The following ZNF407 variants were observed in gnomAD, a reference collection of about 807,000 sequenced individuals.
The protein encoded by ZNF407 is zinc finger protein 407.
ZNF407 carries 17 observed loss-of-function variants against 131.2 expected under a neutral mutation model. The ratio of observed to expected loss-of-function variants is 0.13; its 90% CI spans 0.09 to 0.19. The LOEUF is 0.19. Ranked by LOEUF, ZNF407 falls within the 10% of genes least tolerant of loss-of-function variation. ZNF407 has a pLI of 1.00. For synonymous variants in ZNF407, 1,156 were observed against 1,062.0 expected, an observed-to-expected ratio of 1.09 and a Z score of -1.72; for missense variants, 2,681 against 2,830.6, an observed-to-expected ratio of 0.95 and a Z score of 1.20.
chr18:75,003,871 C>G (rs1029767767), intron 8 of ZNF407, among the ~76,000 whole-genome samples: 4 of 152,132 alleles, frequency 2.6e-5, no homozygotes, highest in Admixed American at 2.0e-4. Context: ...GAGTTAGAAC[C>G]TTCTACAGAC....
Position 74,612,457 on chromosome 18 carries a change from A to T in ZNF407, c.-54+14520A>T, listed in dbSNP as rs561914955. 6.6e-5 allele frequency among the ~76,000 whole-genome samples: 10 copies of T among 152,336 alleles called. No individual in the cohort carries two copies. The East Asian group carries it at 1.7e-3, about 26-fold the overall frequency. ...AAACAAACATGATTTTTTATTTTGC[A>T]TACTCTACGTAGGGACTTTTCTGTT... is the stretch of plus-strand genomic sequence containing the variant. On this transcript the variant is annotated intron_variant, in intron 1 of 8. Coordinates refer to ENST00000299687, the MANE Select transcript of ZNF407 (RefSeq NM_017757.3).
At chr18:74,754,177 G>A (rs1968873541) in intron 3 of ZNF407, among the ~76,000 whole-genome samples, 1 of 152,080 alleles carries the variant, frequency 6.6e-6, no homozygotes. Flanking sequence ...GTATTTCTGT[G>A]GGATTGGTGG....
chr18:74,703,367 C>G lies in ZNF407; in HGVS notation c.4802+62245C>G, dbSNP rs1439857310. Among the ~76,000 whole-genome samples, 1 of 152,114 alleles carries G rather than the reference C, an allele frequency of 6.6e-6. No individual in the cohort carries two copies. Among genetic ancestry groups the G allele is most frequent in the Non-Finnish European group, 1.5e-5 (1 of 68,032 alleles). On this transcript the variant is annotated intron_variant, in intron 3 of 8. Transcript: ENST00000299687. This position sits in a 1 kb window ranked among gnomAD's most constrained non-coding sequence, Gnocchi z 4.1. ...CCCATGTGTGTCTCTGTCTCTGTCT[C>G]TCTCTCTCTCTTTTCTGAGATGGAG... is the stretch of plus-strand genomic sequence containing the variant.
At chr18:74,792,645 T>C (rs1969847610) in intron 4 of ZNF407, among the ~76,000 whole-genome samples, 1 of 152,054 alleles carries the variant, frequency 6.6e-6, no homozygotes, top group Admixed American at 6.5e-5. Flanking sequence ...ATAATGACAA[T>C]ATATGAACAT....
intron 8 of ZNF407, among the ~76,000 whole-genome samples, chr18:74,930,560 C>T (rs562844408): frequency 5.0e-4 from 76 of 152,252 alleles, no homozygotes; most frequent in African/African-American, 1.5e-3. Flanking sequence ...ATTTCTTCTA[C>T]GTTTAATAAT....
At chr18:75,020,130 T>C (rs1973090069) in intron 8 of ZNF407, among the ~76,000 whole-genome samples, 1 of 152,208 alleles carries the variant, frequency 6.6e-6, no homozygotes, top group South Asian at 2.1e-4. Context: ...AGAGTGATGA[T>C]GCTGGTGTAT....
chr18:75,022,565 G>T (rs949304758), intron 8 of ZNF407, among the ~76,000 whole-genome samples: 1 of 152,148 alleles, frequency 6.6e-6, no homozygotes, highest in Non-Finnish European at 1.5e-5. Context: ...AAGACTATAC[G>T]AGTGAAATAA....
At chr18:74,725,293 C>T (rs1218190388) in intron 3 of ZNF407, among the ~76,000 whole-genome samples, 1 of 152,184 alleles carries the variant, frequency 6.6e-6, no homozygotes, top group Admixed American at 6.5e-5. Context: ...CACACCGCCA[C>T]ACCTAGACAA....
At chr18:74,982,013 A>G (rs1972598630) in intron 8 of ZNF407, among the ~76,000 whole-genome samples, 1 of 152,212 alleles carries the variant, frequency 6.6e-6, no homozygotes, top group Non-Finnish European at 1.5e-5. Flanking sequence ...TTGAGTGCTT[A>G]TGATGGGCTT....
chr18:74,973,377 A>G (rs904441471), intron 8 of ZNF407, among the ~76,000 whole-genome samples: 1 of 152,210 alleles, frequency 6.6e-6, no homozygotes, highest in Non-Finnish European at 1.5e-5. Context: ...ACTGTGTGAC[A>G]TATACATACT....
At position 74,916,439 on chromosome 18, in the gene ZNF407, G is replaced by A. The variant is rs1454076950; in HGVS notation, c.5250-4075G>A. On this transcript the variant is annotated intron_variant, in intron 7 of 8. Transcript: ENST00000299687. ...TGTGTGTGTGTGTGTGCATGTGTGT[G>A]CTGGTATGGTGAGGTTGTGTGCAGC... Among the ~76,000 whole-genome samples the A allele has an allele frequency of 2.8e-5, 4 of 142,218 alleles. No homozygotes were observed. In the East Asian group the frequency reaches 9.1e-4, roughly 32 times the overall value. 93.3% of individuals were successfully genotyped at this position (142,218 alleles called of 152,430 possible).
At chr18:74,734,740 C>T (rs1005081547) in intron 3 of ZNF407, among the ~76,000 whole-genome samples, 16 of 149,430 alleles carry the variant, frequency 1.1e-4, no homozygotes, top group African/African-American at 1.2e-4. Context: ...TCAAGGAAAA[C>T]GTGACTTCGG....
chr18:74,691,462 G>T (rs550798), intron 3 of ZNF407, among the ~76,000 whole-genome samples: 104,084 of 150,826 alleles, frequency 0.69, 36,707 homozygotes, highest in East Asian at 0.85. Context: ...AATTTTTTTT[G>T]TTGTTTTTTA....
chr18:74,875,697 G>T (rs17055790), intron 4 of ZNF407, among the ~76,000 whole-genome samples: 15,166 of 152,030 alleles, frequency 0.1, 978 homozygotes, highest in Middle Eastern at 0.23. Flanking sequence ...AGTTATATTT[G>T]TCATTCTCTA....
At chr18:74,759,948 GTCTCTCTCTCTC>G (rs10662564) in intron 3 of ZNF407, among the ~76,000 whole-genome samples, 1 of 142,938 alleles carries the variant, frequency 7.0e-6, no homozygotes, top group African/African-American at 2.6e-5. Flanking sequence ...TACTTTACAT[GTCTCTCTCTCTC>G]TCTCTCTCTC....
At chr18:74,624,046 A>G (rs1045807434) in intron 1 of ZNF407, among the ~76,000 whole-genome samples, 13 of 152,198 alleles carry the variant, frequency 8.5e-5, no homozygotes, top group African/African-American at 3.1e-4. Context: ...TTACTGTGGG[A>G]AGAAATCTGA....
intron 8 of ZNF407, among the ~76,000 whole-genome samples, chr18:75,054,506 T>C (rs1203627896): frequency 6.6e-6 from 1 of 152,224 alleles, no homozygotes; most frequent in Non-Finnish European, 1.5e-5. Flanking sequence ...AAGGAAAAAG[T>C]TGAATCTGTC....
intron 8 of ZNF407, among the ~76,000 whole-genome samples, chr18:74,959,875 G>A (rs1229275312): frequency 3.9e-5 from 6 of 152,154 alleles, no homozygotes; most frequent in Non-Finnish European, 8.8e-5. Context: ...ACCCTAAATA[G>A]TCATCCTATG....
chr18:74,974,100 T>C (rs910633437), intron 8 of ZNF407, among the ~76,000 whole-genome samples: 6 of 152,188 alleles, frequency 3.9e-5, no homozygotes, highest in Non-Finnish European at 7.4e-5. Flanking sequence ...TATATTCTGA[T>C]AGCTAATATG....
Sources: gnomAD v4.1 joint callset for allele counts (sites outside exome capture counted in the v4.1 genomes callset) on GRCh38, gnomAD v4.1.1 for gene constraint, Gnocchi (gnomAD v3.1) non-coding constraint, MANE v1.5 for transcripts, NCBI Gene and HGNC (gene_info 2026-07-23, HGNC 2026-07-21) for gene names.